The following LSM3 variants were observed in gnomAD, a reference collection of about 807,000 sequenced individuals.
The protein encoded by LSM3 is LSM3 homolog, U6 small nuclear RNA and mRNA degradation associated, also known as U6 snRNA-associated Sm-like protein LSm3.
Under a neutral mutation model 15.4 loss-of-function variants are expected in LSM3, and 14 were observed. The observed-to-expected ratio is 0.91, with a 90% confidence interval of 0.60 to 1.42. LSM3 has a LOEUF of 1.42. Among genes scored for constraint, LSM3 ranks in the 40% most tolerant of loss-of-function variants. The pLI, the probability that LSM3 is intolerant of heterozygous loss-of-function variation, is 0.00. For synonymous variants in LSM3, 46 were observed against 45.1 expected (o/e 1.02, Z -0.08); for missense variants, 88 against 127.9 (o/e 0.69, Z 1.50).
At chr3:14,181,475 C>T in intron 1 of LSM3, 85 bp from the exon 2 acceptor site, 1 of 829,712 alleles carries the variant, frequency 1.2e-6, no homozygotes, top group South Asian at 1.5e-5. Context: ...GGTTAAATAA[C>T]TTGCCCATGG....
At chr3:14,186,664 A>AT (rs1429056903) in intron 3 of LSM3, among the ~76,000 whole-genome samples, 2 of 152,096 alleles carry the variant, frequency 1.3e-5, no homozygotes, top group African/African-American at 2.4e-5. Flanking sequence ...AAAGAATAGC[A>AT]TTTTTTAAAA....
chr3:14,187,825 G>A (rs1269717481), intron 3 of LSM3, among the ~76,000 whole-genome samples: 1 of 152,228 alleles, frequency 6.6e-6, no homozygotes, highest in Non-Finnish European at 1.5e-5. Context: ...AAGGTGGAAA[G>A]CAGTCAGTCT....
At chr3:14,196,057 A>T (rs1194483547) in intron 3 of LSM3, among the ~76,000 whole-genome samples, 2 of 149,550 alleles carry the variant, frequency 1.3e-5, no homozygotes, top group African/African-American at 4.9e-5. Flanking sequence ...GGTTCACGCC[A>T]TTCTCCTGCC....
intron 1 of LSM3, among the ~76,000 whole-genome samples, chr3:14,179,443 G>A (rs1696989945): frequency 6.6e-6 from 1 of 152,180 alleles, no homozygotes; most frequent in African/African-American, 2.4e-5. Context: ...GGTCCTAGAA[G>A]CTTTTTCACC....
chr3:14,193,208 C>T (rs1049580546), intron 3 of LSM3, among the ~76,000 whole-genome samples: 3 of 152,260 alleles, frequency 2.0e-5, no homozygotes, highest in African/African-American at 4.8e-5. Context: ...CTGCCCTTAA[C>T]GTTTTTTCCT....
chr3:14,196,245 C>G (rs537229848), intron 3 of LSM3, among the ~76,000 whole-genome samples: 1 of 152,076 alleles, frequency 6.6e-6, no homozygotes, highest in Non-Finnish European at 1.5e-5. Context: ...TGTGAACCAC[C>G]GTGCCTGGCC....
At position 14,178,885 on chromosome 3, in the gene LSM3, A is replaced by G. The variant is rs770038081; in HGVS notation, c.21+4A>G. ...CATGGCGGACGACGTAGACCAGGTA[A>G]GTGTATTTTAAGGAGGTCGCTCGAA... On this transcript the variant is annotated splice_donor_region_variant and intron_variant, in intron 1 of 3. Coordinates refer to ENST00000306024, the MANE Select transcript of LSM3 (RefSeq NM_014463.3). The G allele has an allele frequency of 5.0e-6, 8 of 1,614,010 alleles. 1 individual carries two copies. Among genetic ancestry groups the G allele is most frequent in the East Asian group, 4.5e-5 (2 of 44,890 alleles).
chr3:14,183,623 T>G (rs1278879407), intron 2 of LSM3, among the ~76,000 whole-genome samples: 1 of 152,238 alleles, frequency 6.6e-6, no homozygotes, highest in Non-Finnish European at 1.5e-5. Flanking sequence ...TTAAATATTA[T>G]AAATGATGTG....
At chr3:14,187,473 T>C (rs745562249) in intron 3 of LSM3, among the ~76,000 whole-genome samples, 35 of 152,334 alleles carry the variant, frequency 2.3e-4, no homozygotes, top group Non-Finnish European at 4.6e-4. Context: ...AATACTTTAG[T>C]GTGTAAATGT....
rs996942206 is a variant in LSM3, at chr3:14,199,323, C to G, written c.*1207C>G. On this transcript the variant is annotated 3_prime_UTR_variant, in exon 4 of 4. Transcript: ENST00000306024. ...AAAGTAAAAGCGTGTTACAATCTCTCAAACTTTATCAAGACAGGGCTTAGA... is the reference window on the plus strand; with the variant it reads ...AAAGTAAAAGCGTGTTACAATCTCTGAAACTTTATCAAGACAGGGCTTAGA... 4 of 152,194 alleles carry G rather than the reference C, an allele frequency of 2.6e-5. No individual in the cohort carries two copies. The highest frequency in any genetic ancestry group is 2.0e-4 in the Admixed American group (3 of 15,280). The allele number at this position is 152,194 out of a possible 1,614,324, so 9.4% of individuals were successfully genotyped here.
intron 1 of LSM3, among the ~76,000 whole-genome samples, chr3:14,179,386 T>G (rs1696988135): frequency 6.6e-6 from 1 of 152,172 alleles, no homozygotes; most frequent in African/African-American, 2.4e-5. Context: ...CCAGGAACTG[T>G]GATGTGCTGT....
chr3:14,180,833 T>C (rs1697029143), intron 1 of LSM3, among the ~76,000 whole-genome samples: 1 of 72,536 alleles, frequency 1.4e-5, no homozygotes, highest in African/African-American at 5.7e-5. Flanking sequence ...TTTTTTTTTT[T>C]TTTTTTTTTT....
chr3:14,186,844 C>T (rs529716640), intron 3 of LSM3, among the ~76,000 whole-genome samples: 25 of 152,248 alleles, frequency 1.6e-4, no homozygotes, highest in Non-Finnish European at 2.8e-4. Context: ...AGAATTGTGT[C>T]ATAGTTTAAT....
chr3:14,190,992 A>C, intron 3 of LSM3, among the ~76,000 whole-genome samples: 1 of 152,152 alleles, frequency 6.6e-6, no homozygotes, highest in Non-Finnish European at 1.5e-5. Context: ...AGTTTTTAGC[A>C]TGAAGGGGTG....
rs1484515180 is a variant in LSM3, at chr3:14,199,400, C to T, written c.*1284C>T. 6.6e-6 allele frequency: 1 copy of T among 152,216 alleles called. No homozygotes were observed. 9.4% of individuals were successfully genotyped at this position (152,216 alleles called of 1,614,324 possible). On this transcript the variant is annotated 3_prime_UTR_variant, in exon 4 of 4. Transcript: ENST00000306024. ...CCATTTTGAAATGTAGAAAATCCAA[C>T]TTGTGGATGGTTTGTCTGTAAATGA... is the stretch of plus-strand genomic sequence containing the variant.
At chr3:14,183,911 C>A (rs1337648290) in intron 2 of LSM3, 26 bp from the exon 3 acceptor site, 3 of 1,516,844 alleles carry the variant, frequency 2.0e-6, no homozygotes, top group Non-Finnish European at 2.7e-6. Context: ...TATTAAATTT[C>A]TTGGTTCTGT....
chr3:14,178,980 G>T, intron 1 of LSM3, 99 bp downstream of exon 1: 2 of 1,321,072 alleles, frequency 1.5e-6, no homozygotes, highest in Non-Finnish European at 2.2e-6. Context: ...CTCTCTCCAA[G>T]TCACCATGGC....
At position 14,198,892 on chromosome 3, in the gene LSM3, C is replaced by G. The variant is rs1456142173; in HGVS notation, c.*776C>G. 1 of 151,344 alleles carries G rather than the reference C, an allele frequency of 6.6e-6. No homozygotes were observed. The highest frequency in any genetic ancestry group is 1.5e-5 in the Non-Finnish European group (1 of 67,916). 9.4% of individuals were successfully genotyped at this position (151,344 alleles called of 1,614,324 possible). On this transcript the variant is annotated 3_prime_UTR_variant, in exon 4 of 4. Coordinates refer to ENST00000306024, the MANE Select transcript of LSM3 (RefSeq NM_014463.3). ...AAAAAAAAGTTTTCTGCCCTCAAGTCTTCTGGGGAGGCAGATGTTTAAACC... is the reference window on the plus strand; with the variant it reads ...AAAAAAAAGTTTTCTGCCCTCAAGTGTTCTGGGGAGGCAGATGTTTAAACC...
chr3:14,194,069 T>C (rs2733545), intron 3 of LSM3, among the ~76,000 whole-genome samples: 151,859 of 152,358 alleles, frequency 1, 75,681 homozygotes, highest in East Asian at 1. Flanking sequence ...ACCCAGTTTG[T>C]GTGGATATCA....
Sources: gnomAD v4.1 joint callset for allele counts (sites outside exome capture counted in the v4.1 genomes callset) on GRCh38, gnomAD v4.1.1 for gene constraint, MANE v1.5 for transcripts, NCBI Gene and HGNC (gene_info 2026-07-23, HGNC 2026-07-21) for gene names.